Variants in ABCD2 observed in about 807,000 individuals in gnomAD.
ABCD2 encodes the protein ATP binding cassette subfamily D member 2, also known as ATP-binding cassette sub-family D member 2.
ABCD2 carries 36 observed loss-of-function variants against 70.9 expected under a neutral mutation model. The observed-to-expected ratio is 0.51, with a 90% CI of 0.39 to 0.67. The LOEUF (loss-of-function observed/expected upper bound fraction) is 0.67. Among genes scored for constraint, ABCD2 ranks in the 30% least tolerant of loss-of-function variants. The pLI is 0.00. For missense variants in ABCD2, 729 were observed against 890.2 expected (o/e 0.82, Z 2.30); for synonymous variants, 304 against 306.9 (o/e 0.99, Z 0.10).
At chr12:39,572,251 G>A (rs1941458163) in intron 9 of ABCD2, among the ~76,000 whole-genome samples, 1 of 152,168 alleles carries the variant, frequency 6.6e-6, no homozygotes, top group South Asian at 2.1e-4. Context: ...AAAACTCCAA[G>A]CCTAATATGT....
Position 39,573,715 on chromosome 12 carries a change from C to T in ABCD2, c.2003+1G>A, listed in dbSNP as rs765947271. The T allele has an allele frequency of 6.2e-7, 1 of 1,600,956 alleles. No individual in the cohort carries two copies. Among genetic ancestry groups the T allele is most frequent in the Non-Finnish European group, 8.5e-7 (1 of 1,174,860 alleles). ...CACAAATTAGCACTAGAAACACTTA[C>T]CAAAGAGAAGGTCTGTGTGTTATAG... On this transcript the variant is annotated splice_donor_variant, in intron 9 of 9. Coordinates refer to ENST00000308666, the MANE Select transcript of ABCD2 (RefSeq NM_005164.4). LOFTEE classifies it high-confidence loss of function.
chr12:39,578,743 G>A (rs566964461), intron 8 of ABCD2, among the ~76,000 whole-genome samples: 80 of 151,870 alleles, frequency 5.3e-4, no homozygotes, highest in African/African-American at 1.8e-3. Context: ...TGAAACCTAC[G>A]CAGAATGGTC....
At chr12:39,600,365 G>A (rs1941879554) in intron 6 of ABCD2, among the ~76,000 whole-genome samples, 1 of 151,794 alleles carries the variant, frequency 6.6e-6, no homozygotes, top group South Asian at 2.1e-4. Flanking sequence ...AGACAGATGT[G>A]AAAATGAAAA....
intron 2 of ABCD2, among the ~76,000 whole-genome samples, chr12:39,613,817 T>C (rs1942079768): frequency 6.6e-6 from 1 of 152,276 alleles, no homozygotes; most frequent in South Asian, 2.1e-4. Flanking sequence ...GATTTTATTA[T>C]GTGAATTTGA....
At chr12:39,566,160 G>T (rs2120565560) in intron 9 of ABCD2, among the ~76,000 whole-genome samples, 1 of 152,276 alleles carries the variant, frequency 6.6e-6, no homozygotes, top group Non-Finnish European at 1.5e-5. Flanking sequence ...AGTTAGGGAG[G>T]ATTCGCTCTT....
In ABCD2 at chr12:39,601,514, C is replaced by T. The variant is rs750578306; in HGVS notation, c.1501-798G>A. ...TAATTTCATGAGTTCCTATTCCACA[C>T]AATAGGATGAAGAAGTTGTCTTATT... On this transcript the variant is annotated intron_variant, in intron 5 of 9. Transcript: ENST00000308666. 9.7e-4 allele frequency among the ~76,000 whole-genome samples: 147 copies of T among 151,806 alleles called. 3 individuals carry two copies. The highest frequency in any genetic ancestry group is 2.1e-4 in the Non-Finnish European group (14 of 67,894).
chr12:39,569,338 C>A (rs11172647), intron 9 of ABCD2, among the ~76,000 whole-genome samples: 17,215 of 152,272 alleles, frequency 0.11, 986 homozygotes, highest in East Asian at 0.16. Context: ...GGGCACCCCT[C>A]CCCAGCCTTG....
In ABCD2 at chr12:39,566,317, G is replaced by T. The variant is rs183902934; in HGVS notation, c.2003+7399C>A. Among the ~76,000 whole-genome samples, 30 of 152,198 alleles carry T rather than the reference G, an allele frequency of 2.0e-4. No homozygotes were observed. In the East Asian group the frequency reaches 5.8e-3, roughly 29 times the overall value. ...TGCCTCAATTTCAGAGCCTGTTATTGGTTTATTCAGAGATTGAAATTCTTC... is the reference window on the plus strand; with the variant it reads ...TGCCTCAATTTCAGAGCCTGTTATTTGTTTATTCAGAGATTGAAATTCTTC... On this transcript the variant is annotated intron_variant, in intron 9 of 9. Coordinates refer to ENST00000308666, the MANE Select transcript of ABCD2 (RefSeq NM_005164.4).
At chr12:39,539,036 C>T in the ABCD2 span, among the ~76,000 whole-genome samples, 1 of 152,136 alleles carries the variant, frequency 6.6e-6, no homozygotes, top group African/African-American at 2.4e-5. Flanking sequence ...CACACCACCT[C>T]GTGTTGTCTG....
At chr12:39,607,545 C>T in intron 3 of ABCD2, 54 bp downstream of exon 3, 1 of 1,422,814 alleles carries the variant, frequency 7.0e-7, no homozygotes, top group Non-Finnish European at 9.8e-7. Flanking sequence ...TGACATTTTG[C>T]TTGATTTTCA....
intron 9 of ABCD2, among the ~76,000 whole-genome samples, chr12:39,557,601 T>C (rs1340827567): frequency 6.6e-6 from 1 of 152,082 alleles, no homozygotes; most frequent in Non-Finnish European, 1.5e-5. Flanking sequence ...GTGGTCTTCA[T>C]GGCAGCCCTG....
chr12:39,601,096 A>G (rs1400675555), intron 5 of ABCD2, among the ~76,000 whole-genome samples: 1 of 152,120 alleles, frequency 6.6e-6, no homozygotes, highest in African/African-American at 2.4e-5. Context: ...TTAAATTTAC[A>G]TTGAATTCAA....
chr12:39,572,452 C>T (rs543860416), intron 9 of ABCD2, among the ~76,000 whole-genome samples: 1 of 152,098 alleles, frequency 6.6e-6, no homozygotes, highest in Non-Finnish European at 1.5e-5. Context: ...TATTCATTGG[C>T]ATGGATCCTA....
At position 39,554,040 on chromosome 12, in the gene ABCD2, C is replaced by T; in HGVS notation, c.2095G>A (p.Glu699Lys). The T allele has an allele frequency of 6.2e-7, 1 of 1,613,598 alleles. No homozygotes were observed. The highest frequency in any genetic ancestry group is 8.5e-7 in the Non-Finnish European group (1 of 1,179,810). Residue 699 changes from glutamate to lysine, a missense_variant, in exon 10 of 10, where the codon GAA (glutamate) becomes AAA (lysine). Glu to Lys is a moderately conservative substitution (Grantham distance 56). Coordinates refer to ENST00000308666, the MANE Select transcript of ABCD2 (RefSeq NM_005164.4). Reference protein sequence around the residue: ...DTAIRLTLSEEKQKLESQLAG... With the variant: ...DTAIRLTLSEKKQKLESQLAG... ...AGCTGAGATTCTAGCTTTTGTTTTT[C>T]TTCACTCAATGTCAAACGGATAGCA...
chr12:39,570,877 A>C (rs577161098), intron 9 of ABCD2, among the ~76,000 whole-genome samples: 2 of 152,206 alleles, frequency 1.3e-5, no homozygotes, highest in South Asian at 4.1e-4. Flanking sequence ...CATATATAAG[A>C]AATTCAAACA....
chr12:39,568,442 C>A lies in ABCD2; in HGVS notation c.2003+5274G>T, dbSNP rs115178760. ...TCGGCTACTGAGGCTTGTGCATTCA[C>A]CATGTTCATTCTCGTGCCATGGTTT... is the stretch of plus-strand genomic sequence containing the variant. On this transcript the variant is annotated intron_variant, in intron 9 of 9. Coordinates refer to ENST00000308666, the MANE Select transcript of ABCD2 (RefSeq NM_005164.4). 5.2e-3 allele frequency among the ~76,000 whole-genome samples: 797 copies of A among 152,264 alleles called. 2 individuals are homozygous for A. The highest frequency in any genetic ancestry group is 0.018 in the African/African-American group (765 of 41,566).
chr12:39,591,942 A>C (rs1000728201), intron 6 of ABCD2, among the ~76,000 whole-genome samples: 10 of 152,130 alleles, frequency 6.6e-5, no homozygotes, highest in Admixed American at 4.6e-4. Flanking sequence ...TTTCATTATT[A>C]CTTTTATAAA....
chr12:39,544,801 G>A, the ABCD2 span, among the ~76,000 whole-genome samples: 1 of 152,294 alleles, frequency 6.6e-6, no homozygotes. Context: ...AACTGTCTGA[G>A]TGTACTCATG....
At chr12:39,586,004 T>C (rs1337321842) in intron 7 of ABCD2, 148 bp downstream of exon 7, 1 of 664,398 alleles carries the variant, frequency 1.5e-6, no homozygotes, top group Non-Finnish European at 2.3e-6. Flanking sequence ...ATGTAAATAA[T>C]GGAACAGCAA....
Sources: gnomAD v4.1 joint callset for allele counts (sites outside exome capture counted in the v4.1 genomes callset) on GRCh38, gnomAD v4.1.1 for gene constraint, MANE v1.5 for transcripts, NCBI Gene and HGNC (gene_info 2026-07-23, HGNC 2026-07-21) for gene names.